MLIP: variants seen among roughly 807,000 people sequenced by gnomAD.
MLIP encodes muscular LMNA-interacting protein.
MLIP carries 79 observed loss-of-function variants against 84.8 expected under a neutral mutation model. That is an observed-to-expected ratio of 0.93 (90% CI 0.78 to 1.12). The LOEUF is 1.12. Ranked by LOEUF, MLIP falls within the 50% of genes most tolerant of loss-of-function variation. MLIP has a pLI of 0.00. For missense variants in MLIP, 1,257 were observed against 1,160.6 expected (o/e 1.08, Z -1.21); for synonymous variants, 504 against 463.0 (o/e 1.09, Z -1.14).
chr6:54,251,242 C>A (rs1782457489), intron 12 of MLIP, among the ~76,000 whole-genome samples: 1 of 151,166 alleles, frequency 6.6e-6, no homozygotes, highest in Non-Finnish European at 1.5e-5. Context: ...ACTATTCAAC[C>A]TGTGGTAGCA....
intron 1 of MLIP, among the ~76,000 whole-genome samples, chr6:54,102,233 C>T (rs1369190128): frequency 1.3e-5 from 2 of 152,040 alleles, no homozygotes; most frequent in Non-Finnish European, 2.9e-5. Context: ...TAGTGGACAT[C>T]GTAATTCTCT....
chr6:54,054,899 T>C (rs888968474), intron 1 of MLIP, among the ~76,000 whole-genome samples: 6 of 152,076 alleles, frequency 3.9e-5, no homozygotes, highest in Non-Finnish European at 5.9e-5. Context: ...ATCTTTTTTT[T>C]TTTTTTGAGA....
chr6:54,122,538 A>G (rs1021676447), intron 2 of MLIP, among the ~76,000 whole-genome samples: 2 of 152,352 alleles, frequency 1.3e-5, no homozygotes, highest in African/African-American at 4.8e-5. Context: ...ACACAATTAG[A>G]AAGGAGTAAA....
At position 54,136,845 on chromosome 6, in the gene MLIP, T is replaced by A; in HGVS notation, c.776T>A (p.Phe259Tyr). 2 of 1,534,994 alleles carry A rather than the reference T, an allele frequency of 1.3e-6. No homozygotes were observed. Among genetic ancestry groups the A allele is most frequent in the Non-Finnish European group, 1.7e-6 (2 of 1,145,962 alleles). Residue 259 changes from phenylalanine to tyrosine, a missense_variant, in exon 4 of 14, where the codon TTC (phenylalanine) becomes TAC (tyrosine). Coordinates refer to ENST00000502396, the MANE Select transcript of MLIP (RefSeq NM_001281747.2). ...GAGGGAGCCTCTGTCCTAGAGGAGT[T>A]CCACACTAGGAGGCTGGATGTCGGT... is the stretch of plus-strand genomic sequence containing the variant. ...NLEGASVLEE[F>Y]HTRRLDVGGA...
chr6:54,248,082 C>T (rs1057451583), intron 12 of MLIP, among the ~76,000 whole-genome samples: 30 of 151,846 alleles, frequency 2.0e-4, no homozygotes, highest in African/African-American at 7.0e-4. Context: ...TTATGGAACT[C>T]GGGAATATTA....
intron 1 of MLIP, among the ~76,000 whole-genome samples, chr6:54,039,584 CAT>C (rs1764630315): frequency 1.3e-5 from 2 of 151,954 alleles, no homozygotes; most frequent in South Asian, 4.2e-4. Context: ...CAAATGAGCA[CAT>C]GAGAGCTAGC....
chr6:54,063,757 G>T lies in MLIP; in HGVS notation c.63+44666G>T, dbSNP rs567889736. 2.5e-4 allele frequency among the ~76,000 whole-genome samples: 32 copies of T among 130,578 alleles called. No homozygotes were observed. The East Asian group carries it at 6.1e-3, about 25-fold the overall frequency. The allele number at this position is 130,578 out of a possible 152,430, so 85.7% of individuals were successfully genotyped here. On this transcript the variant is annotated intron_variant, in intron 1 of 12. Coordinates refer to the MLIP transcript ENST00000274897. ...GTGTGTGTGTGTGTGTGTGTGTGTG[G>T]TGCCTTTCTTAGTACGTATAGTAAT...
intron 4 of MLIP, among the ~76,000 whole-genome samples, chr6:54,142,775 C>T (rs1304614388): frequency 6.6e-6 from 1 of 152,050 alleles, no homozygotes; most frequent in Non-Finnish European, 1.5e-5. Flanking sequence ...CTATTGCTAC[C>T]ATCTAGGTGA....
At chr6:54,109,976 T>TTCCTTCCTTCCTTCCTTCCTTC, upstream of MLIP, among the ~76,000 whole-genome samples, 1 of 17,752 alleles carries the variant, frequency 5.6e-5, no homozygotes, top group South Asian at 2.4e-3. Context: ...TTCCTTCCTT[T>TTCCTTCCTTCCTTCCTTCCTTC]CGTTTTTTCT....
upstream of MLIP, among the ~76,000 whole-genome samples, chr6:54,108,091 G>A (rs1047698005): frequency 6.6e-6 from 1 of 152,086 alleles, no homozygotes; most frequent in African/African-American, 2.4e-5. Context: ...TAGTAATAAG[G>A]GTGACGGATG....
chr6:54,191,855 T>C lies in MLIP; in HGVS notation c.2589+1941T>C, dbSNP rs74605810. Among the ~76,000 whole-genome samples, 436 of 152,140 alleles carry C rather than the reference T, an allele frequency of 2.9e-3. 7 individuals carry two copies. Among genetic ancestry groups the C allele is most frequent in the South Asian group, 0.022 (106 of 4,824 alleles). On this transcript the variant is annotated intron_variant, in intron 10 of 13. Transcript: ENST00000502396. ...TGAATGTTTTAAACATTCTCATATA[T>C]AGTTTCACTCAGTATAGTATATAAA...
At chr6:54,131,849 T>G (rs997303344) in intron 3 of MLIP, among the ~76,000 whole-genome samples, 7 of 152,236 alleles carry the variant, frequency 4.6e-5, no homozygotes, top group African/African-American at 1.7e-4. Flanking sequence ...TTTGGGCTGT[T>G]TTCAGCTAGG....
intron 11 of MLIP, among the ~76,000 whole-genome samples, chr6:54,221,462 A>G (rs975882518): frequency 6.6e-6 from 1 of 151,950 alleles, no homozygotes; most frequent in African/African-American, 2.4e-5. Context: ...ACCACAAATT[A>G]AAAAAAAGGA....
At chr6:54,042,423 T>C (rs550655647) in intron 1 of MLIP, among the ~76,000 whole-genome samples, 4 of 152,240 alleles carry the variant, frequency 2.6e-5, no homozygotes, top group African/African-American at 7.2e-5. Context: ...TTAATAGATA[T>C]ATTTACAGAT....
At chr6:54,070,306 A>AT (rs1766408051) in intron 1 of MLIP, among the ~76,000 whole-genome samples, 1 of 151,978 alleles carries the variant, frequency 6.6e-6, no homozygotes, top group African/African-American at 2.4e-5. Flanking sequence ...ATGATGTTAG[A>AT]TTTTTTTGTA....
At chr6:54,260,502 G>A (rs1032427793) in intron 13 of MLIP, among the ~76,000 whole-genome samples, 4 of 152,082 alleles carry the variant, frequency 2.6e-5, no homozygotes, top group African/African-American at 9.6e-5. Flanking sequence ...ATGCATCAAA[G>A]TTTGAGATCT....
chr6:54,044,222 T>C (rs1323086673), intron 1 of MLIP, among the ~76,000 whole-genome samples: 1 of 152,218 alleles, frequency 6.6e-6, no homozygotes, highest in East Asian at 1.9e-4. Context: ...GTCTTTGGTT[T>C]CTGGTTCAAG....
chr6:54,189,601 A>C (rs1442378624), intron 9 of MLIP, among the ~76,000 whole-genome samples: 1 of 152,208 alleles, frequency 6.6e-6, no homozygotes, highest in East Asian at 1.9e-4. Flanking sequence ...GCTTATGTTA[A>C]GAAAATGAGA....
intron 1 of MLIP, among the ~76,000 whole-genome samples, chr6:54,103,024 A>T (rs554496583): frequency 6.6e-6 from 1 of 152,132 alleles, no homozygotes; most frequent in African/African-American, 2.4e-5. Flanking sequence ...GTAAATTAAA[A>T]TATTCACCAT....
Sources: allele counts gnomAD v4.1 joint callset (sites outside exome capture counted in the v4.1 genomes callset), GRCh38; gene constraint gnomAD v4.1.1; transcripts MANE v1.5; gene names NCBI Gene and HGNC (gene_info 2026-07-23, HGNC 2026-07-21).